Variants in FKBP3 observed in about 807,000 individuals in gnomAD.
The protein encoded by FKBP3 is peptidyl-prolyl cis-trans isomerase FKBP3.
Under a neutral mutation model 30.6 loss-of-function variants are expected in FKBP3, and 21 were observed. The observed-to-expected ratio is 0.69, with a 90% CI of 0.49 to 0.99. FKBP3 has a LOEUF of 0.99. FKBP3 is among the 50% of genes least tolerant of loss of function. The pLI is 0.00. For synonymous variants in FKBP3, 82 were observed against 91.3 expected (o/e 0.90, Z 0.58); for missense variants, 283 against 261.6 (o/e 1.08, Z -0.56).
intron 5 of FKBP3, among the ~76,000 whole-genome samples, 196 bp downstream of exon 5, chr14:45,120,691 T>C (rs1369739783): frequency 1.3e-5 from 2 of 152,228 alleles, no homozygotes; most frequent in Admixed American, 1.3e-4. Context: ...TAGGCAGTAC[T>C]GTCCTCATTT....
intron 1 of FKBP3, 52 bp from the exon 2 acceptor site, chr14:45,130,852 G>T (rs776397854): frequency 2.8e-6 from 3 of 1,060,712 alleles, no homozygotes; most frequent in South Asian, 1.4e-5. Context: ...AGTAAGAAGT[G>T]TCTAAAATTA....
intron 1 of FKBP3, chr14:45,133,370 G>C: frequency 3.7e-6 from 1 of 272,704 alleles, no homozygotes; most frequent in South Asian, 2.7e-5. Context: ...GAGAGGCAGA[G>C]GCAGGAGAAT....
At chr14:45,132,679 C>T (rs1885245420) in intron 1 of FKBP3, among the ~76,000 whole-genome samples, 1 of 152,036 alleles carries the variant, frequency 6.6e-6, no homozygotes, top group Non-Finnish European at 1.5e-5. Flanking sequence ...TCGTGATCCG[C>T]CCGCTTTGGC....
At chr14:45,121,664 T>A in intron 3 of FKBP3, 44 bp from the exon 4 acceptor site, 2 of 1,592,090 alleles carry the variant, frequency 1.3e-6, no homozygotes, top group Non-Finnish European at 1.7e-6. Flanking sequence ...TATTAATTTG[T>A]GTCCTTTAAA....
chr14:45,117,235 G>T lies in FKBP3; in HGVS notation c.620+793C>A, dbSNP rs534255308. 1.2e-4 allele frequency among the ~76,000 whole-genome samples: 18 copies of T among 152,344 alleles called. No individual in the cohort carries two copies. In the East Asian group the frequency reaches 3.3e-3, roughly 28 times the overall value. On this transcript the variant is annotated intron_variant, in intron 6 of 6. Coordinates refer to ENST00000396062, the MANE Select transcript of FKBP3 (RefSeq NM_002013.4). ...GATCTGCCCTCCTTGGCCTCCCAAA[G>T]TGCTGGGATTACAGGCATTAGCCAT...
chr14:45,129,344 A>G (rs1162865779), intron 3 of FKBP3, among the ~76,000 whole-genome samples: 1 of 152,238 alleles, frequency 6.6e-6, no homozygotes, highest in South Asian at 2.1e-4. Context: ...GTACCAAAGT[A>G]TAAAACCTGA....
At chr14:45,117,988 T>C (rs541242823) in intron 6 of FKBP3, 40 bp downstream of exon 6, 2 of 1,438,376 alleles carry the variant, frequency 1.4e-6, no homozygotes, top group African/African-American at 1.4e-5. Context: ...TAGACGTTTT[T>C]TTTTTTTCAA....
intron 3 of FKBP3, among the ~76,000 whole-genome samples, chr14:45,126,218 A>C (rs926561806): frequency 6.7e-6 from 1 of 149,112 alleles, no homozygotes; most frequent in Non-Finnish European, 1.5e-5. Context: ...GGCCGGGCAC[A>C]GTGGCTCACG....
rs762039019 is a variant in FKBP3, at chr14:45,118,017, A to G, written c.620+11T>C. On this transcript the variant is annotated intron_variant, in intron 6 of 6. Transcript: ENST00000396062. ...TTTTCAACTTTAATTATGAAGGGGA[A>G]AAAAGGATACTTGGCATCAGGCTGT... 2.5e-6 allele frequency: 4 copies of G among 1,569,580 alleles called. No homozygotes were observed. Among genetic ancestry groups the G allele is most frequent in the Non-Finnish European group, 2.6e-6 (3 of 1,155,984 alleles).
At position 45,115,891 on chromosome 14, in the gene FKBP3, TCA is replaced by T. The variant is rs549433498; in HGVS notation, c.*305_*306del. The T allele has an allele frequency of 5.7e-4, 152 of 266,948 alleles. 2 individuals are homozygous for T. In the East Asian group the frequency reaches 9.9e-3, roughly 17 times the overall value. The allele number at this position is 266,948 out of a possible 1,614,324, so 16.5% of individuals were successfully genotyped here. ...CAATAATATATTAACACCAAACAAATCACAGTCAGATCAAGACAGTGGATCAA... is the reference window on the plus strand; with the variant it reads ...CAATAATATATTAACACCAAACAAATCAGTCAGATCAAGACAGTGGATCAA... On this transcript the variant is annotated 3_prime_UTR_variant, in exon 7 of 7. Transcript: ENST00000396062.
Position 45,125,136 on chromosome 14 carries a change from G to T in FKBP3, c.319-3516C>A, listed in dbSNP as rs538089084. Reference sequence around the variant, plus strand: ...TTCACATGTTGGCCAGGCTGGTCTCGAATTCCTGACCTCAGGTGATCTGCC... The same window carrying T: ...TTCACATGTTGGCCAGGCTGGTCTCTAATTCCTGACCTCAGGTGATCTGCC... On this transcript the variant is annotated intron_variant, in intron 3 of 6. Transcript: ENST00000396062. Among the ~76,000 whole-genome samples, 28 of 152,280 alleles carry T rather than the reference G, an allele frequency of 1.8e-4. No individual in the cohort carries two copies. The South Asian group carries it at 5.8e-3, about 32-fold the overall frequency.
At chr14:45,121,738 T>C in intron 3 of FKBP3, 118 bp from the exon 4 acceptor site, 1 of 1,164,750 alleles carries the variant, frequency 8.6e-7, no homozygotes, top group Non-Finnish European at 1.2e-6. Context: ...GATTTGGTAA[T>C]AAATAAACAA....
intron 3 of FKBP3, among the ~76,000 whole-genome samples, chr14:45,126,389 A>G (rs1594743970): frequency 6.6e-6 from 1 of 151,934 alleles, no homozygotes; most frequent in South Asian, 2.1e-4. Flanking sequence ...TCAGGAGGCT[A>G]AGGCAGGAGA....
chr14:45,117,285 T>G (rs1398226097), intron 6 of FKBP3, among the ~76,000 whole-genome samples: 1 of 152,198 alleles, frequency 6.6e-6, no homozygotes, highest in Non-Finnish European at 1.5e-5. Context: ...TCATTTGATT[T>G]TGAAAAGCTA....
chr14:45,133,445 C>G (rs972197493), intron 1 of FKBP3: 1 of 167,740 alleles, frequency 6.0e-6, no homozygotes, highest in Non-Finnish European at 1.3e-5. Flanking sequence ...CCAGCCTGGG[C>G]AACAGAGAGA....
At chr14:45,120,785 T>G (rs775350706) in intron 5 of FKBP3, 102 bp downstream of exon 5, 3 of 916,840 alleles carry the variant, frequency 3.3e-6, no homozygotes, top group Admixed American at 4.0e-5. Flanking sequence ...CTCCAAAGTC[T>G]GTTTCCTTTG....
chr14:45,126,669 T>A (rs1294808932), intron 3 of FKBP3, among the ~76,000 whole-genome samples: 1 of 152,042 alleles, frequency 6.6e-6, no homozygotes, highest in Non-Finnish European at 1.5e-5. Flanking sequence ...TAGCTGCACT[T>A]AAAAATGTAA....
intron 3 of FKBP3, among the ~76,000 whole-genome samples, chr14:45,124,612 A>G (rs1885058593): frequency 1.3e-5 from 2 of 151,750 alleles, no homozygotes; most frequent in African/African-American, 4.8e-5. Flanking sequence ...TGGAGTGATC[A>G]TACCACTGTA....
intron 3 of FKBP3, among the ~76,000 whole-genome samples, chr14:45,127,427 C>T (rs1183911973): frequency 6.6e-6 from 1 of 151,810 alleles, no homozygotes; most frequent in Non-Finnish European, 1.5e-5. Flanking sequence ...CCAACCGACC[C>T]TGTCTTAAAA....
Sources: gnomAD v4.1 joint callset for allele counts (sites outside exome capture counted in the v4.1 genomes callset) on GRCh38, gnomAD v4.1.1 for gene constraint, MANE v1.5 for transcripts, NCBI Gene and HGNC (gene_info 2026-07-23, HGNC 2026-07-21) for gene names.